CNTNAP4: variants seen among roughly 807,000 people sequenced by gnomAD.
The protein encoded by CNTNAP4 is contactin-associated protein-like 4.
A neutral mutation model predicts 148.4 loss-of-function variants in CNTNAP4; 98 were observed. The observed-to-expected ratio is 0.66, with a 90% CI of 0.56 to 0.78. The LOEUF (loss-of-function observed/expected upper bound fraction) is 0.78. CNTNAP4 is among the 30% of genes least tolerant of loss of function. CNTNAP4 has a pLI of 0.00. For missense variants in CNTNAP4, 1,935 were observed against 1,565.6 expected (o/e 1.24, Z -3.98); for synonymous variants, 730 against 565.1 (o/e 1.29, Z -4.14).
chr16:76,386,491 C>G (rs918264469), intron 3 of CNTNAP4, among the ~76,000 whole-genome samples: 1 of 152,108 alleles, frequency 6.6e-6, no homozygotes, highest in African/African-American at 2.4e-5. Flanking sequence ...TGCCTTTATG[C>G]TTACTCCAGA....
At chr16:76,346,199 G>A (rs1181036383) in intron 2 of CNTNAP4, among the ~76,000 whole-genome samples, 1 of 152,142 alleles carries the variant, frequency 6.6e-6, no homozygotes, top group Non-Finnish European at 1.5e-5. Context: ...ATGTGTTCTA[G>A]CATTTTACTA....
At chr16:76,297,840 T>C (rs1011209679) in intron 1 of CNTNAP4, among the ~76,000 whole-genome samples, 2 of 152,358 alleles carry the variant, frequency 1.3e-5, no homozygotes, top group South Asian at 4.1e-4. Context: ...TAAAAACTTT[T>C]ATTTTTTCAT....
chr16:76,506,420 C>T lies in CNTNAP4; in HGVS notation c.2365+7726C>T, dbSNP rs2082836412. 2.5e-5 allele frequency among the ~76,000 whole-genome samples: 2 copies of T among 80,564 alleles called. 1 individual carries two copies. The highest frequency in any genetic ancestry group is 6.0e-5 in the African/African-American group (2 of 33,328). 52.9% of individuals were successfully genotyped at this position (80,564 alleles called of 152,430 possible). On this transcript the variant is annotated intron_variant, in intron 15 of 23. Transcript: ENST00000611870. ...CCTTCTTTCCTCCCTTCCTCCCTTC[C>T]TTCCTCCCTTCCCTTCCCTTCCCTT...
intron 3 of CNTNAP4, among the ~76,000 whole-genome samples, chr16:76,390,736 C>T (rs2016914643): frequency 6.6e-6 from 1 of 152,250 alleles, no homozygotes; most frequent in East Asian, 1.9e-4. Context: ...ATTTTTATTT[C>T]ATCCTTAGTC....
chr16:76,545,073 A>C (rs2084650024), intron 21 of CNTNAP4, among the ~76,000 whole-genome samples: 1 of 152,238 alleles, frequency 6.6e-6, no homozygotes, highest in Non-Finnish European at 1.5e-5. Context: ...TTTCAAAATA[A>C]TGGATTGGTT....
intron 14 of CNTNAP4, 33 bp downstream of exon 14, chr16:76,495,099 A>T: frequency 6.2e-7 from 1 of 1,608,300 alleles, no homozygotes; most frequent in Non-Finnish European, 8.5e-7. Flanking sequence ...ATGCAAGAAA[A>T]AGTTCATTTA....
At chr16:76,546,278 C>T (rs1313731459) in intron 21 of CNTNAP4, among the ~76,000 whole-genome samples, 2 of 152,132 alleles carry the variant, frequency 1.3e-5, no homozygotes, top group African/African-American at 2.4e-5. Context: ...AAACCACGGG[C>T]CACGGACAAG....
chr16:76,539,827 GAGA>G lies in CNTNAP4; in HGVS notation c.3335_3337del (p.Glu1112del), dbSNP rs1427284743. The G allele has an allele frequency of 6.3e-7, 1 of 1,596,994 alleles. No individual in the cohort carries two copies. The highest frequency in any genetic ancestry group is 1.1e-5 in the South Asian group (1 of 87,522). ...CAACTTCACCACATAATGATTAACAGAGAAGAAGGAGTGGTCTTTATAGAGGTA... is the reference window on the plus strand; with the variant it reads ...CAACTTCACCACATAATGATTAACAGAGAAGGAGTGGTCTTTATAGAGGTA... On this transcript the variant is annotated inframe_deletion, in exon 20 of 24. Transcript: ENST00000611870.
In CNTNAP4 at chr16:76,283,809, A is replaced by C. The variant is rs149682216; in HGVS notation, c.85+6062A>C. Among the ~76,000 whole-genome samples, 313 of 152,188 alleles carry C rather than the reference A, an allele frequency of 2.1e-3. 3 individuals carry two copies. The highest frequency in any genetic ancestry group is 7.3e-3 in the African/African-American group (303 of 41,558). On this transcript the variant is annotated intron_variant, in intron 1 of 23. Transcript: ENST00000611870. Reference sequence around the variant, plus strand: ...CCTGCACTTGTACCCCTGAACTTAAAAAATAAAAGTTAAACAAACAAAAGA... The same window carrying C: ...CCTGCACTTGTACCCCTGAACTTAACAAATAAAAGTTAAACAAACAAAAGA...
At chr16:76,418,911 C>T (rs889079175) in intron 3 of CNTNAP4, among the ~76,000 whole-genome samples, 9 of 151,956 alleles carry the variant, frequency 5.9e-5, no homozygotes, top group South Asian at 2.1e-4. Context: ...CAGATGCTTC[C>T]GGTTCATCTA....
chr16:76,476,885 T>C lies in CNTNAP4; in HGVS notation c.1762+840T>C, dbSNP rs577660440. 2.0e-5 allele frequency among the ~76,000 whole-genome samples: 3 copies of C among 152,222 alleles called. No individual in the cohort carries two copies. The East Asian group carries it at 5.8e-4, about 29-fold the overall frequency. Reference sequence around the variant, plus strand: ...TGCGCTAGATAATTCTTATGTTATCTTGCAACCCTATTTAATGAGGGTGAT... The same window carrying C: ...TGCGCTAGATAATTCTTATGTTATCCTGCAACCCTATTTAATGAGGGTGAT... On this transcript the variant is annotated intron_variant, in intron 11 of 23. Transcript: ENST00000611870.
At chr16:76,518,055 G>A (rs1283935591) in intron 15 of CNTNAP4, among the ~76,000 whole-genome samples, 1 of 151,918 alleles carries the variant, frequency 6.6e-6, no homozygotes, top group Non-Finnish European at 1.5e-5. Flanking sequence ...ATGACTATAT[G>A]GATTTATTCT....
chr16:76,413,161 A>G (rs1241953445), intron 3 of CNTNAP4, among the ~76,000 whole-genome samples: 1 of 151,184 alleles, frequency 6.6e-6, no homozygotes, highest in East Asian at 1.9e-4. Context: ...ATTATTGACT[A>G]TAGTCACCCT....
intron 3 of CNTNAP4, among the ~76,000 whole-genome samples, chr16:76,363,134 G>A (rs567492396): frequency 1.3e-5 from 2 of 148,814 alleles, no homozygotes; most frequent in Non-Finnish European, 3.0e-5. Context: ...ATATCCACAT[G>A]CAAAACAATG....
chr16:76,420,237 C>T (rs1463575482), intron 3 of CNTNAP4, among the ~76,000 whole-genome samples: 3 of 151,614 alleles, frequency 2.0e-5, no homozygotes, highest in Non-Finnish European at 4.4e-5. Flanking sequence ...AATGTATATT[C>T]TGTAGAATAT....
intron 17 of CNTNAP4, among the ~76,000 whole-genome samples, chr16:76,522,776 C>CTTTTCTTTTCTTTTCTTTTCT (rs146242468): frequency 1.3e-4 from 10 of 78,828 alleles, no homozygotes; most frequent in South Asian, 3.9e-4. Flanking sequence ...CTTTTCTTTT[C>CTTTTCTTTTCTTTTCTTTTCT]TTTCTTGACA....
At chr16:76,419,885 T>G (rs945294342) in intron 3 of CNTNAP4, among the ~76,000 whole-genome samples, 2 of 152,056 alleles carry the variant, frequency 1.3e-5, no homozygotes, top group Non-Finnish European at 2.9e-5. Context: ...GCTCTCTTCG[T>G]ATTCTTATAA....
At chr16:76,548,123 A>G (rs1402964486) in intron 21 of CNTNAP4, among the ~76,000 whole-genome samples, 1 of 152,160 alleles carries the variant, frequency 6.6e-6, no homozygotes, top group Non-Finnish European at 1.5e-5. Flanking sequence ...TTTGGTTGGC[A>G]AACAAATACC....
chr16:76,309,942 C>T lies in CNTNAP4; in HGVS notation c.86-6471C>T, dbSNP rs147794276. 53 of 700,442 alleles carry T rather than the reference C, an allele frequency of 7.6e-5. No homozygotes were observed. In the East Asian group the frequency reaches 1.3e-3, roughly 17 times the overall value. 43.4% of individuals were successfully genotyped at this position (700,442 alleles called of 1,614,324 possible). ...TTAAGTCTCTTTTTCTTCCCCGTCTCGGGTATGTCTTTATCAGCAGCATGG... is the reference window on the plus strand; with the variant it reads ...TTAAGTCTCTTTTTCTTCCCCGTCTTGGGTATGTCTTTATCAGCAGCATGG... On this transcript the variant is annotated intron_variant, in intron 1 of 23. Coordinates refer to ENST00000611870, the MANE Select transcript of CNTNAP4 (RefSeq NM_033401.5).
Sources: allele counts gnomAD v4.1 joint callset (sites outside exome capture counted in the v4.1 genomes callset), GRCh38; gene constraint gnomAD v4.1.1; transcripts MANE v1.5; gene names NCBI Gene and HGNC (gene_info 2026-07-23, HGNC 2026-07-21).